The following GRK5 variants were observed in gnomAD, a reference collection of about 807,000 sequenced individuals.
GRK5 encodes the protein G protein-coupled receptor kinase 5, also known as g protein-coupled receptor kinase GRK5.
A neutral mutation model predicts 78.4 loss-of-function variants in GRK5; 40 were observed. The ratio of observed to expected loss-of-function variants is 0.51; its 90% CI spans 0.40 to 0.66. The LOEUF is 0.66. Ranked by LOEUF, GRK5 falls within the 30% of genes least tolerant of loss-of-function variation. The probability of loss-of-function intolerance (pLI) is 0.00; values close to 1 mark genes in which losing one functional copy is unlikely to be tolerated. For missense variants in GRK5, 598 were observed against 759.9 expected (o/e 0.79, Z 2.50); for synonymous variants, 289 against 296.8 (o/e 0.97, Z 0.27).
In GRK5 at chr10:119,442,611, C is replaced by A. The variant is rs568348750; in HGVS notation, c.1057+523C>A. Among the ~76,000 whole-genome samples the A allele has an allele frequency of 3.3e-5, 5 of 152,338 alleles. No individual in the cohort carries two copies. In the East Asian group the frequency reaches 9.6e-4, roughly 29 times the overall value. On this transcript the variant is annotated intron_variant, in intron 11 of 15. Transcript: ENST00000392870. ...AGAGTTAAGTCCTGTGCCCTAGAAT[C>A]CCCCGTCCAATTGGGGGCACGCCCT...
intron 4 of GRK5, among the ~76,000 whole-genome samples, chr10:119,422,055 G>C (rs1852580472): frequency 6.6e-6 from 1 of 152,160 alleles, no homozygotes; most frequent in Non-Finnish European, 1.5e-5. Flanking sequence ...TTTTGGGAGA[G>C]AGCTGTGTCC....
At chr10:119,327,059 G>A (rs1438515507) in intron 2 of GRK5, among the ~76,000 whole-genome samples, 1 of 151,834 alleles carries the variant, frequency 6.6e-6, no homozygotes, top group Non-Finnish European at 1.5e-5. Context: ...CCCTCAGGGG[G>A]CAGCCCAGGC....
rs567830381 is a variant in GRK5 at position 119,253,473 on chromosome 10, C to T, written c.52+45504C>T. 7.9e-5 allele frequency among the ~76,000 whole-genome samples: 12 copies of T among 152,338 alleles called. No individual in the cohort carries two copies. Among genetic ancestry groups the T allele is most frequent in the African/African-American group, 2.4e-4 (10 of 41,576 alleles). On this transcript the variant is annotated intron_variant, in intron 1 of 15. Coordinates refer to ENST00000392870, the MANE Select transcript of GRK5 (RefSeq NM_005308.3). This position sits in a 1 kb window ranked among gnomAD's most constrained non-coding sequence, Gnocchi z 5.7. ...TTTAAATCAGAAGCTTAGGCTCCTC[C>T]GTGTAGCTGCTCTATTTTTCATGCC...
In GRK5 at chr10:119,453,991, C is replaced by T. The variant is rs575874429; in HGVS notation, c.1674+715C>T. On this transcript the variant is annotated intron_variant, in intron 15 of 15. Coordinates refer to ENST00000392870, the MANE Select transcript of GRK5 (RefSeq NM_005308.3). ...CCATGAAGGTGGCCACCATACACCC[C>T]GTCTTGGCCTGGCCCCTGAGGAAGC... Among the ~76,000 whole-genome samples the T allele has an allele frequency of 9.2e-5, 14 of 152,288 alleles. No homozygotes were observed. The South Asian group carries it at 2.9e-3, about 32-fold the overall frequency.
chr10:119,370,113 G>C (rs1289849282), intron 2 of GRK5, among the ~76,000 whole-genome samples: 6 of 152,130 alleles, frequency 3.9e-5, no homozygotes, highest in Non-Finnish European at 8.8e-5. Context: ...GACTGCATCT[G>C]ATGGGTTCAA....
intron 6 of GRK5, among the ~76,000 whole-genome samples, chr10:119,429,820 C>T (rs1303349363): frequency 6.6e-6 from 1 of 152,140 alleles, no homozygotes; most frequent in African/African-American, 2.4e-5. Context: ...CTGCCCCCTC[C>T]TGAGGCCGGG....
At chr10:119,446,428 T>C (rs1431189741) in intron 12 of GRK5, among the ~76,000 whole-genome samples, 1 of 152,230 alleles carries the variant, frequency 6.6e-6, no homozygotes, top group Non-Finnish European at 1.5e-5. Context: ...CCGTCCCACC[T>C]GGCAGGAGCT....
Position 119,207,676 on chromosome 10 carries a change from G to A in GRK5, c.-242G>A. The A allele has an allele frequency of 7.2e-6, 3 of 416,290 alleles. No homozygotes were observed. Among genetic ancestry groups the A allele is most frequent in the Middle Eastern group, 6.2e-4 (1 of 1,624 alleles). 25.8% of individuals were successfully genotyped at this position (416,290 alleles called of 1,614,324 possible). On this transcript the variant is annotated 5_prime_UTR_variant, in exon 1 of 16. Coordinates refer to ENST00000392870, the MANE Select transcript of GRK5 (RefSeq NM_005308.3). The stretch of plus-strand genomic sequence containing the variant: ...GGTGGGGGGGAGCGTGTTGAGGGAG[G>A]GGGGAGGGGGGACACAGAGGGAGGA...
chr10:119,232,091 C>T (rs1848840732), intron 1 of GRK5, among the ~76,000 whole-genome samples: 1 of 152,212 alleles, frequency 6.6e-6, no homozygotes, highest in East Asian at 1.9e-4. Context: ...AGATATCCAA[C>T]AACAGATGAA....
At chr10:119,274,592 A>C (rs1196424650) in intron 1 of GRK5, among the ~76,000 whole-genome samples, 1 of 152,186 alleles carries the variant, frequency 6.6e-6, no homozygotes, top group Non-Finnish European at 1.5e-5. Flanking sequence ...TGTTTGTTCC[A>C]TTCAGTGATG....
At chr10:119,408,339 C>CT (rs1416068049) in intron 4 of GRK5, among the ~76,000 whole-genome samples, 1 of 7,560 alleles carries the variant, frequency 1.3e-4, no homozygotes, top group African/African-American at 2.6e-4. Flanking sequence ...AAAACCCTGT[C>CT]TCAAAAAAAA....
chr10:119,403,517 G>T (rs1442277891), intron 4 of GRK5, among the ~76,000 whole-genome samples: 1 of 152,182 alleles, frequency 6.6e-6, no homozygotes, highest in Non-Finnish European at 1.5e-5. Context: ...ATTGTAACAT[G>T]TATCAGCACT....
At chr10:119,313,052 AATG>A (rs527286515) in intron 1 of GRK5, among the ~76,000 whole-genome samples, 368 of 15,964 alleles carry the variant, frequency 0.023, 4 homozygotes, top group South Asian at 0.15. Flanking sequence ...TGGTGGTGGT[AATG>A]ATGATGGTGG....
chr10:119,343,312 G>A lies in GRK5; in HGVS notation c.148+16701G>A, dbSNP rs74622625. On this transcript the variant is annotated intron_variant, in intron 2 of 15. Transcript: ENST00000392870. ...ACACTTTTGGGTCAGCAGGTTCAGCGTTATCCAACCAGCAAACATTTCCTG... is the reference window on the plus strand; with the variant it reads ...ACACTTTTGGGTCAGCAGGTTCAGCATTATCCAACCAGCAAACATTTCCTG... 5.8e-3 allele frequency among the ~76,000 whole-genome samples: 880 copies of A among 152,304 alleles called. 3 individuals carry two copies. The highest frequency in any genetic ancestry group is 9.6e-3 in the Non-Finnish European group (652 of 68,034).
chr10:119,288,163 C>T (rs1487633434), intron 1 of GRK5, among the ~76,000 whole-genome samples: 1 of 152,222 alleles, frequency 6.6e-6, no homozygotes, highest in Non-Finnish European at 1.5e-5. Flanking sequence ...CTGTTCCCCT[C>T]CCCACCCTTT....
rs1271923165 is a variant in GRK5 at position 119,458,480 on chromosome 10, C to T, written c.*3413C>T. Reference sequence around the variant, plus strand: ...TCGCTGCTGCTGTGGCCTGCGCAGCCACGGGAGGCTTCCTGAAAGGCATTG... The same window carrying T: ...TCGCTGCTGCTGTGGCCTGCGCAGCTACGGGAGGCTTCCTGAAAGGCATTG... On this transcript the variant is annotated 3_prime_UTR_variant, in exon 16 of 16. Coordinates refer to ENST00000392870, the MANE Select transcript of GRK5 (RefSeq NM_005308.3). The T allele has an allele frequency of 1.3e-5, 2 of 152,226 alleles. No individual in the cohort carries two copies. Among genetic ancestry groups the T allele is most frequent in the Admixed American group, 1.3e-4 (2 of 15,278 alleles). 9.4% of individuals were successfully genotyped at this position (152,226 alleles called of 1,614,324 possible).
intron 1 of GRK5, among the ~76,000 whole-genome samples, chr10:119,301,830 T>A (rs1448405231): frequency 6.6e-6 from 1 of 152,150 alleles, no homozygotes; most frequent in African/African-American, 2.4e-5. Flanking sequence ...TGGCAGACAT[T>A]ACTAACTAAT....
At chr10:119,233,636 C>G (rs1487049091) in intron 1 of GRK5, among the ~76,000 whole-genome samples, 2 of 152,078 alleles carry the variant, frequency 1.3e-5, no homozygotes. Context: ...CACTTACAGT[C>G]AAAGGATCCT....
intron 1 of GRK5, among the ~76,000 whole-genome samples, chr10:119,281,672 GT>G (rs1009476389): frequency 1.3e-5 from 2 of 152,210 alleles, no homozygotes; most frequent in African/African-American, 4.8e-5. Flanking sequence ...GGTTCCCGGG[GT>G]GGTGGTTGGC....
Sources: allele counts gnomAD v4.1 joint callset (sites outside exome capture counted in the v4.1 genomes callset), GRCh38; gene constraint gnomAD v4.1.1; non-coding constraint Gnocchi (gnomAD v3.1); transcripts MANE v1.5; gene names NCBI Gene and HGNC (gene_info 2026-07-23, HGNC 2026-07-21).